Variants in CACNA1B observed in about 807,000 individuals in gnomAD.
CACNA1B encodes calcium voltage-gated channel subunit alpha1 B.
In CACNA1B, 70 loss-of-function variants were observed where a neutral mutation model predicts 247.2. The observed-to-expected ratio is 0.28, with a 90% CI of 0.23 to 0.35. The LOEUF (loss-of-function observed/expected upper bound fraction) is 0.35, where lower values mean the gene tolerates loss of function less well. CACNA1B is among the 10% of genes least tolerant of loss of function. The pLI is 1.00. For synonymous variants in CACNA1B, 1,231 were observed against 1,294.4 expected (o/e 0.95, Z 1.05); for missense variants, 2,367 against 3,197.4 (o/e 0.74, Z 6.26).
At position 137,950,051 on chromosome 9, in the gene CACNA1B, C is replaced by T. The variant is rs574610650; in HGVS notation, c.967-2223C>T. Among the ~76,000 whole-genome samples the T allele has an allele frequency of 6.6e-6, 1 of 152,326 alleles. No homozygotes were observed. The highest frequency in any genetic ancestry group is 1.9e-4 in the East Asian group (1 of 5,190). ...CCTTGGATCTCAGTTAAGCATTCTG[C>T]GTTGGCTGTCAGGGAAGGAGGAGGG... On this transcript the variant is annotated intron_variant, in intron 6 of 46. Coordinates refer to ENST00000371372, the MANE Select transcript of CACNA1B (RefSeq NM_000718.4). The surrounding 1 kb of genome is among the most constrained non-coding windows in gnomAD (Gnocchi z 4.8).
intron 3 of CACNA1B, among the ~76,000 whole-genome samples, chr9:137,904,087 C>T (rs1270466238): frequency 6.6e-6 from 1 of 152,172 alleles, no homozygotes; most frequent in African/African-American, 2.4e-5. Context: ...TTGATCTCAT[C>T]ATCCTGTGCT....
At position 138,054,923 on chromosome 9, in the gene CACNA1B, G is replaced by A. The variant is rs148873104; in HGVS notation, c.3968+917G>A. Among the ~76,000 whole-genome samples the A allele has an allele frequency of 1.3e-5, 2 of 152,192 alleles. No homozygotes were observed. The highest frequency in any genetic ancestry group is 2.4e-5 in the African/African-American group (1 of 41,540). Reference sequence around the variant, plus strand: ...GCCCCCTTTGCTAGGGGGATTGGCCGCTTAGGTGTTCTTTTCTGGAAGTGT... The same window carrying A: ...GCCCCCTTTGCTAGGGGGATTGGCCACTTAGGTGTTCTTTTCTGGAAGTGT... On this transcript the variant is annotated intron_variant, in intron 26 of 46. Coordinates refer to ENST00000371372, the MANE Select transcript of CACNA1B (RefSeq NM_000718.4). This position sits in a 1 kb window ranked among gnomAD's most constrained non-coding sequence, Gnocchi z 4.6.
chr9:138,119,809 C>T (rs559422767), intron 44 of CACNA1B, among the ~76,000 whole-genome samples: 2 of 152,258 alleles, frequency 1.3e-5, no homozygotes, highest in African/African-American at 4.8e-5. Context: ...CTTCACGGGT[C>T]CTGATTCTGG....
chr9:137,917,360 A>G lies in CACNA1B; in HGVS notation c.895A>G (p.Asn299Asp). The G allele has an allele frequency of 6.2e-7, 1 of 1,614,006 alleles. No individual in the cohort carries two copies. Residue 299 changes from asparagine (N) to aspartate (D), a missense_variant, in exon 6 of 47, where the codon AAT (asparagine) becomes GAT (aspartate). Physicochemically the swap from Asn to Asp is conservative, Grantham distance 23. Transcript: ENST00000371372. This position sits in a 1 kb window ranked among gnomAD's most constrained non-coding sequence, Gnocchi z 5.5. Reference protein sequence around the residue: ...GPNFGITNFDNILFAILTVFQ... With the variant: ...GPNFGITNFDDILFAILTVFQ... The stretch of plus-strand genomic sequence containing the variant: ...CAACTTTGGCATCACCAACTTTGAC[A>G]ATATCCTGTTTGCCATCTTGACGGT...
At chr9:138,107,694 A>G (rs1032634703) in intron 39 of CACNA1B, among the ~76,000 whole-genome samples, 1 of 152,096 alleles carries the variant, frequency 6.6e-6, no homozygotes, top group African/African-American at 2.4e-5. Flanking sequence ...GGTTAAAAAA[A>G]AGACTAATGG....
At chr9:138,101,469 T>C (rs1247438475) in intron 37 of CACNA1B, among the ~76,000 whole-genome samples, 1 of 152,236 alleles carries the variant, frequency 6.6e-6, no homozygotes, top group East Asian at 1.9e-4. Flanking sequence ...AGGTCCCTCC[T>C]GCATCAAGGA....
intron 6 of CACNA1B, among the ~76,000 whole-genome samples, chr9:137,930,983 C>A (rs1957601114): frequency 6.6e-6 from 1 of 151,938 alleles, no homozygotes; most frequent in South Asian, 2.1e-4. Flanking sequence ...CTCACTGTCA[C>A]CCAGGATGGA....
intron 6 of CACNA1B, among the ~76,000 whole-genome samples, chr9:137,918,330 C>T (rs1375820335): frequency 6.6e-6 from 1 of 152,094 alleles, no homozygotes; most frequent in Admixed American, 6.5e-5. Flanking sequence ...ATAGGAAGGC[C>T]TCTGCTGCTG....
chr9:138,075,877 G>A lies in CACNA1B; in HGVS notation c.4916G>A (p.Arg1639Gln), dbSNP rs373622271. Reference sequence around the variant, plus strand: ...AGCATCAACCGCCACAACAACTTCCGGACGTTTTTGCAAGCCCTGATGCTG... The same window carrying A: ...AGCATCAACCGCCACAACAACTTCCAGACGTTTTTGCAAGCCCTGATGCTG... ...DTSINRHNNF[R>Q]TFLQALMLLF... is the part of the protein sequence containing the mutation. The change falls in exon 35 of 47, where the codon CGG becomes CAG. Residue 1639 changes from arginine (R) to glutamine (Q), a missense_variant. Physicochemically the swap from Arg to Gln is conservative, Grantham distance 43. Around this residue, in one of 12 missense-constraint regions of CACNA1B, gnomAD observed 436 missense variants for 679.5 expected, o/e 0.64. Coordinates refer to ENST00000371372, the MANE Select transcript of CACNA1B (RefSeq NM_000718.4). The A allele has an allele frequency of 3.7e-6, 6 of 1,612,442 alleles. No homozygotes were observed. Among genetic ancestry groups the A allele is most frequent in the African/African-American group, 2.7e-5 (2 of 74,924 alleles).
chr9:137,914,438 G>A lies in CACNA1B; in HGVS notation c.623-216G>A, dbSNP rs1345519536. Among the ~76,000 whole-genome samples, 2 of 151,244 alleles carry A rather than the reference G, an allele frequency of 1.3e-5. No homozygotes were observed. ...AGTCGACTTCTCTCTAGGACCTTAT[G>A]CTTTGTCCCTAGGACTCTCAGCTCT... is the stretch of plus-strand genomic sequence containing the variant. On this transcript the variant is annotated intron_variant, in intron 4 of 46. Transcript: ENST00000371372. The surrounding 1 kb of genome is among the most constrained non-coding windows in gnomAD (Gnocchi z 4.3).
chr9:137,964,460 C>A (rs767339236), intron 10 of CACNA1B, among the ~76,000 whole-genome samples: 2 of 152,108 alleles, frequency 1.3e-5, no homozygotes, highest in Non-Finnish European at 2.9e-5. Context: ...CTCTGAGATT[C>A]TTTCCTCTGC....
At chr9:138,039,414 G>A (rs1377083109) in intron 20 of CACNA1B, among the ~76,000 whole-genome samples, 1 of 151,956 alleles carries the variant, frequency 6.6e-6, no homozygotes, top group East Asian at 1.9e-4. Flanking sequence ...TGCTTCTACT[G>A]CATAGAAATA....
intron 31 of CACNA1B, among the ~76,000 whole-genome samples, chr9:138,065,257 A>C (rs1363849751): frequency 6.6e-6 from 1 of 152,166 alleles, no homozygotes; most frequent in African/African-American, 2.4e-5. Context: ...TATATCACAC[A>C]GCCCTTCACT....
chr9:138,070,615 C>T (rs1201517360), intron 32 of CACNA1B, among the ~76,000 whole-genome samples: 1 of 152,266 alleles, frequency 6.6e-6, no homozygotes, highest in South Asian at 2.1e-4. Flanking sequence ...TGTGATACAG[C>T]GATTCACAAT....
chr9:137,879,766 G>A (rs1206225650), intron 2 of CACNA1B, among the ~76,000 whole-genome samples: 1 of 152,224 alleles, frequency 6.6e-6, no homozygotes, highest in African/African-American at 2.4e-5. Flanking sequence ...GGGTGCCAGG[G>A]CAAGGTCTCC....
At chr9:138,023,900 G>A in intron 19 of CACNA1B, 89 bp downstream of exon 19, 1 of 678,746 alleles carries the variant, frequency 1.5e-6, no homozygotes. Context: ...GGGGTCCACG[G>A]CGGAGGCTGC....
At position 138,122,861 on chromosome 9, in the gene CACNA1B, G is replaced by A. The variant is rs1589142836; in HGVS notation, c.*862G>A. The A allele has an allele frequency of 1.3e-5, 2 of 152,368 alleles. No homozygotes were observed. Among genetic ancestry groups the A allele is most frequent in the South Asian group, 4.1e-4 (2 of 4,828 alleles). 9.4% of individuals were successfully genotyped at this position (152,368 alleles called of 1,614,324 possible). ...TCACACCCAGGCTCCTGGGCACTGTGGTGTGAGGCGAGGCCTCGGGATCCA... is the reference window on the plus strand; with the variant it reads ...TCACACCCAGGCTCCTGGGCACTGTAGTGTGAGGCGAGGCCTCGGGATCCA... On this transcript the variant is annotated 3_prime_UTR_variant, in exon 47 of 47. Coordinates refer to ENST00000371372, the MANE Select transcript of CACNA1B (RefSeq NM_000718.4).
At chr9:137,985,582 G>A (rs1958348269) in intron 13 of CACNA1B, among the ~76,000 whole-genome samples, 1 of 152,224 alleles carries the variant, frequency 6.6e-6, no homozygotes, top group Non-Finnish European at 1.5e-5. Flanking sequence ...GGAGGATAGC[G>A]GGGCCTCTGA....
At chr9:137,983,771 A>G (rs1958320840) in intron 12 of CACNA1B, among the ~76,000 whole-genome samples, 1 of 151,940 alleles carries the variant, frequency 6.6e-6, no homozygotes, top group African/African-American at 2.4e-5. Context: ...GGTGTTGAAG[A>G]AGACACCAGT....
Sources: gnomAD v4.1 joint callset for allele counts (sites outside exome capture counted in the v4.1 genomes callset) on GRCh38, gnomAD v4.1.1 for gene constraint, gnomAD v4.1.1 regional missense constraint, Gnocchi (gnomAD v3.1) non-coding constraint, MANE v1.5 for transcripts, NCBI Gene and HGNC (gene_info 2026-07-23, HGNC 2026-07-21) for gene names.